NEBL: variants seen among roughly 807,000 people sequenced by gnomAD.
NEBL encodes LIM and SH3 protein 2.
In NEBL, 122 loss-of-function variants were observed where a neutral mutation model predicts 140.2. The observed-to-expected ratio is 0.87, with a 90% CI of 0.75 to 1.01. NEBL has a LOEUF of 1.01. NEBL is among the 50% of genes least tolerant of loss of function. The pLI is 0.00. For synonymous variants in NEBL, 436 were observed against 398.9 expected (o/e 1.09, Z -1.11); for missense variants, 1,365 against 1,231.3 (o/e 1.11, Z -1.62).
intron 25 of NEBL, 134 bp downstream of exon 25, chr10:20,809,672 T>A: frequency 1.4e-6 from 1 of 703,656 alleles, no homozygotes; most frequent in South Asian, 1.7e-5. Context: ...AAAAGTAGCA[T>A]AGCATTTTTT....
intron 2 of NEBL, among the ~76,000 whole-genome samples, chr10:21,064,141 T>C (rs1835427139): frequency 1.3e-5 from 2 of 152,182 alleles, no homozygotes; most frequent in African/African-American, 4.8e-5. Context: ...TTGCTGTGTC[T>C]GTTGTTTAAA....
chr10:20,897,421 T>C, upstream of NEBL: 1 of 1,296,852 alleles, frequency 7.7e-7, no homozygotes, highest in Non-Finnish European at 9.7e-7. Flanking sequence ...GCCTCACAAG[T>C]GGAAATAACA....
chr10:21,213,834 G>T (rs1246752726), intron 3 of NEBL, among the ~76,000 whole-genome samples: 4 of 152,048 alleles, frequency 2.6e-5, no homozygotes, highest in Non-Finnish European at 5.9e-5. Flanking sequence ...TTATATACCT[G>T]CTCATCTTCC....
chr10:21,257,299 C>T (rs1469305196), intron 1 of NEBL, among the ~76,000 whole-genome samples: 1 of 152,162 alleles, frequency 6.6e-6, no homozygotes, highest in East Asian at 1.9e-4. Flanking sequence ...CTGCCACTTA[C>T]GAGCCTGTGT....
intron 3 of NEBL, among the ~76,000 whole-genome samples, chr10:21,000,471 G>A (rs1837849993): frequency 6.6e-6 from 1 of 152,230 alleles, no homozygotes; most frequent in African/African-American, 2.4e-5. Flanking sequence ...TCTACACAGG[G>A]TTGCAGAATG....
At chr10:21,077,203 T>C (rs551589311) in intron 2 of NEBL, among the ~76,000 whole-genome samples, 2 of 151,922 alleles carry the variant, frequency 1.3e-5, no homozygotes, top group Non-Finnish European at 2.9e-5. Context: ...TTAAAACTCA[T>C]GCTTAATCTA....
upstream of NEBL, among the ~76,000 whole-genome samples, chr10:20,897,893 C>T (rs766030992): frequency 3.3e-5 from 5 of 152,138 alleles, no homozygotes; most frequent in South Asian, 2.1e-4. Context: ...ATTATACTGG[C>T]GAGTATGGTA....
chr10:20,897,323 A>C, upstream of NEBL: 2 of 1,498,196 alleles, frequency 1.3e-6, no homozygotes, highest in African/African-American at 2.8e-5. Flanking sequence ...CCCTTGCCCA[A>C]GCCTCAGCCC....
chr10:21,100,549 T>C (rs964868187), intron 2 of NEBL, among the ~76,000 whole-genome samples: 5 of 152,226 alleles, frequency 3.3e-5, no homozygotes, highest in African/African-American at 1.2e-4. Flanking sequence ...CTGACCTCTG[T>C]GCAATCAACA....
At chr10:21,077,555 C>T (rs1027833583) in intron 2 of NEBL, among the ~76,000 whole-genome samples, 7 of 151,480 alleles carry the variant, frequency 4.6e-5, no homozygotes, top group Admixed American at 2.0e-4. Context: ...TGCAGTGAGC[C>T]GAGATGGCAC....
intron 3 of NEBL, among the ~76,000 whole-genome samples, chr10:21,238,695 G>A (rs1157539727): frequency 2.1e-5 from 2 of 95,694 alleles, no homozygotes; most frequent in African/African-American, 7.8e-5. Flanking sequence ...CAATAAAAGC[G>A]AAACTCCATC....
chr10:20,876,233 G>T (rs1448189603), intron 5 of NEBL, among the ~76,000 whole-genome samples: 1 of 152,078 alleles, frequency 6.6e-6, no homozygotes, highest in Non-Finnish European at 1.5e-5. Flanking sequence ...GGCCAGAATG[G>T]CTTATCATTT....
intron 3 of NEBL, among the ~76,000 whole-genome samples, chr10:21,001,509 G>A (rs1385590283): frequency 6.6e-6 from 1 of 152,118 alleles, no homozygotes; most frequent in Non-Finnish European, 1.5e-5. Flanking sequence ...AAACCCCAAG[G>A]AACATCATGC....
At chr10:21,274,497 C>G (rs901134262) in intron 1 of NEBL, among the ~76,000 whole-genome samples, 4 of 152,176 alleles carry the variant, frequency 2.6e-5, no homozygotes. Context: ...ATGATCTCAG[C>G]TCACTGCAAC....
intron 5 of NEBL, among the ~76,000 whole-genome samples, chr10:20,874,304 C>T (rs1041831162): frequency 1.3e-5 from 2 of 152,196 alleles, no homozygotes; most frequent in Non-Finnish European, 2.9e-5. Flanking sequence ...TTCAGCCTGC[C>T]TTCATGTTGA....
At chr10:20,940,045 G>C (rs1834765793) in intron 4 of NEBL, among the ~76,000 whole-genome samples, 1 of 151,080 alleles carries the variant, frequency 6.6e-6, no homozygotes, top group Admixed American at 6.6e-5. Flanking sequence ...AAGTTAACAA[G>C]GATACCCAGG....
chr10:20,899,515 G>A (rs1847755126), upstream of NEBL: 7 of 905,172 alleles, frequency 7.7e-6, no homozygotes, highest in African/African-American at 1.8e-5. Context: ...CAAACACCAC[G>A]TGCAATGTGA....
chr10:20,902,850 A>C (rs7906855), intron 4 of NEBL, among the ~76,000 whole-genome samples: 10,955 of 152,016 alleles, frequency 0.072, 1,234 homozygotes, highest in African/African-American at 0.24. Flanking sequence ...TGACTCCCAC[A>C]GAGTGTCCCT....
intron 2 of NEBL, among the ~76,000 whole-genome samples, chr10:21,153,199 A>C (rs978437766): frequency 1.2e-4 from 19 of 152,382 alleles, no homozygotes; most frequent in South Asian, 6.2e-4. Flanking sequence ...CCCATTTCAC[A>C]GATAATGAAA....
Sources: allele counts gnomAD v4.1 joint callset (sites outside exome capture counted in the v4.1 genomes callset), GRCh38; gene constraint gnomAD v4.1.1; transcripts MANE v1.5; gene names NCBI Gene and HGNC (gene_info 2026-07-23, HGNC 2026-07-21).